The following BCHE variants were observed in gnomAD, a reference collection of about 807,000 sequenced individuals.
The protein encoded by BCHE is cholinesterase.
In BCHE, 48 loss-of-function variants were observed where a neutral mutation model predicts 51.3. The ratio of observed to expected loss-of-function variants is 0.94; its 90% CI spans 0.74 to 1.19. BCHE has a LOEUF of 1.19. BCHE is among the 50% of genes most tolerant of loss of function. The probability of loss-of-function intolerance (pLI) is 0.00; values close to 1 mark genes in which losing one functional copy is unlikely to be tolerated. For synonymous variants in BCHE, 251 were observed against 238.0 expected (o/e 1.05, Z -0.50); for missense variants, 847 against 708.2 (o/e 1.20, Z -2.23).
intron 2 of BCHE, among the ~76,000 whole-genome samples, chr3:165,797,234 T>TCCTTCCTTCCTTCCTCCCTCCCTCCC (rs1713431586): frequency 3.4e-4 from 1 of 2,940 alleles, no homozygotes; most frequent in Non-Finnish European, 6.1e-4. Flanking sequence ...CCTTCTTTCT[T>TCCTTCCTTCCTTCCTCCCTCCCTCCC]CCCTCCCTTC....
At chr3:165,793,972 G>T (rs766819657) in intron 2 of BCHE, among the ~76,000 whole-genome samples, 1 of 151,848 alleles carries the variant, frequency 6.6e-6, no homozygotes, top group Non-Finnish European at 1.5e-5. Context: ...GCTTGAACCC[G>T]GGAGGCAGAG....
chr3:165,819,434 AAAAT>A (rs569097367), intron 2 of BCHE, among the ~76,000 whole-genome samples: 91 of 152,180 alleles, frequency 6.0e-4, no homozygotes, highest in African/African-American at 2.0e-3. Context: ...AAAAGTAATT[AAAAT>A]AAATAGTATT....
chr3:165,808,909 A>T (rs1342391601), intron 2 of BCHE, among the ~76,000 whole-genome samples: 2 of 152,230 alleles, frequency 1.3e-5, no homozygotes, highest in Non-Finnish European at 2.9e-5. Context: ...TACTGCAGAA[A>T]AATGCTAAAT....
intron 2 of BCHE, among the ~76,000 whole-genome samples, chr3:165,820,356 ATT>A (rs748783811): frequency 4.0e-5 from 6 of 151,860 alleles, no homozygotes; most frequent in Non-Finnish European, 5.9e-5. Context: ...ATGGGTATCC[ATT>A]TTTTTTAAAC....
At chr3:165,778,703 G>A in intron 3 of BCHE, 1 of 453,768 alleles carries the variant, frequency 2.2e-6, no homozygotes, top group Non-Finnish European at 4.4e-6. Flanking sequence ...CTAGCTGCTA[G>A]TGCAGTTCCT....
chr3:165,832,420 G>A (rs1715023454), intron 1 of BCHE, among the ~76,000 whole-genome samples: 1 of 151,894 alleles, frequency 6.6e-6, no homozygotes, highest in African/African-American at 2.4e-5. Context: ...AGCCTCCCAA[G>A]TAGCTGGGAT....
chr3:165,782,658 G>T (rs535987347), intron 3 of BCHE, among the ~76,000 whole-genome samples: 225 of 152,206 alleles, frequency 1.5e-3, no homozygotes, highest in Non-Finnish European at 2.3e-3. Context: ...CATTCAGACT[G>T]CCATAACAAA....
chr3:165,796,384 C>G (rs1713377210), intron 2 of BCHE, among the ~76,000 whole-genome samples: 1 of 152,058 alleles, frequency 6.6e-6, no homozygotes, highest in Non-Finnish European at 1.5e-5. Flanking sequence ...TAAGGTGAGA[C>G]TTCTTGAATG....
At chr3:165,811,245 C>G (rs1714081357) in intron 2 of BCHE, among the ~76,000 whole-genome samples, 1 of 152,038 alleles carries the variant, frequency 6.6e-6, no homozygotes, top group Admixed American at 6.6e-5. Flanking sequence ...GGCAGTTAGA[C>G]TCTTGACAGA....
At chr3:165,784,934 C>T (rs1712886597) in intron 3 of BCHE, among the ~76,000 whole-genome samples, 1 of 151,650 alleles carries the variant, frequency 6.6e-6, no homozygotes, top group African/African-American at 2.4e-5. Context: ...GTTATTTACA[C>T]CCGGAGGACA....
chr3:165,775,647 A>G (rs1712441939), intron 3 of BCHE, among the ~76,000 whole-genome samples: 1 of 151,766 alleles, frequency 6.6e-6, no homozygotes, highest in Non-Finnish European at 1.5e-5. Flanking sequence ...GAATAATACC[A>G]AAATCACTGA....
intron 2 of BCHE, among the ~76,000 whole-genome samples, chr3:165,807,815 G>C (rs1713925108): frequency 6.6e-6 from 1 of 151,962 alleles, no homozygotes. Flanking sequence ...CCACCGAACT[G>C]ATCCTCCCAT....
At chr3:165,778,760 T>A (rs772571616) in intron 3 of BCHE, 1 of 422,488 alleles carries the variant, frequency 2.4e-6, no homozygotes, top group South Asian at 1.6e-5. Flanking sequence ...ATCAAATTAG[T>A]TGACAAAAAA....
chr3:165,831,388 A>G (rs535548468), intron 1 of BCHE, among the ~76,000 whole-genome samples: 1 of 152,292 alleles, frequency 6.6e-6, no homozygotes, highest in Non-Finnish European at 1.5e-5. Flanking sequence ...AAAGCAGTAA[A>G]CAGTAGTCTA....
At chr3:165,835,196 CTT>C (rs10653588) in intron 1 of BCHE, among the ~76,000 whole-genome samples, 4 of 151,196 alleles carry the variant, frequency 2.6e-5, no homozygotes, top group Non-Finnish European at 4.4e-5. Flanking sequence ...GGTGACAAAT[CTT>C]TTTTTGTATT....
In BCHE at chr3:165,830,799, T is replaced by C; in HGVS notation, c.235A>G (p.Lys79Glu). The stretch of plus-strand genomic sequence containing the variant: ...GTGGCATTCCAAATATCAGACCACT[T>C]GGTCAGAGACTGTGGCTTTTTGAAT... ...LRFKKPQSLT[K>E]WSDIWNATKY... The change falls in exon 2 of 4, where the codon AAG becomes GAG. Residue 79 changes from lysine (K) to glutamate (E), a missense_variant. Coordinates refer to ENST00000264381, the MANE Select transcript of BCHE (RefSeq NM_000055.4). 3.1e-6 allele frequency: 5 copies of C among 1,613,808 alleles called. No homozygotes were observed. Among genetic ancestry groups the C allele is most frequent in the South Asian group, 2.2e-5 (2 of 91,072 alleles).
chr3:165,782,664 A>G (rs1712754288), intron 3 of BCHE, among the ~76,000 whole-genome samples: 1 of 152,100 alleles, frequency 6.6e-6, no homozygotes, highest in Admixed American at 6.6e-5. Flanking sequence ...GACTGCCATA[A>G]CAAAACATCA....
intron 3 of BCHE, among the ~76,000 whole-genome samples, chr3:165,784,886 T>C (rs1712883542): frequency 6.6e-6 from 1 of 151,714 alleles, no homozygotes; most frequent in Non-Finnish European, 1.5e-5. Flanking sequence ...TGATAGTATC[T>C]CTTTGGGTCT....
rs1222434673 is a variant in BCHE at position 165,773,411 on chromosome 3, T to C, written c.1780A>G (p.Ser594Gly). The C allele has an allele frequency of 1.9e-6, 3 of 1,610,888 alleles. No individual in the cohort carries two copies. The highest frequency in any genetic ancestry group is 2.5e-6 in the Non-Finnish European group (3 of 1,177,734). The change falls in exon 4 of 4, where the codon AGC (serine) becomes GGC (glycine). Residue 594 changes from serine to glycine, a missense_variant. Coordinates refer to ENST00000264381, the MANE Select transcript of BCHE (RefSeq NM_000055.4). ...DWKNQFNDYT[S>G]KKESCVGL Reference sequence around the variant, plus strand: ...AGACCCACACAACTTTCTTTCTTGCTAGTGTAATCGTTAAATTGATTTTTC... The same window carrying C: ...AGACCCACACAACTTTCTTTCTTGCCAGTGTAATCGTTAAATTGATTTTTC...
Sources: gnomAD v4.1 joint callset for allele counts (sites outside exome capture counted in the v4.1 genomes callset) on GRCh38, gnomAD v4.1.1 for gene constraint, MANE v1.5 for transcripts, NCBI Gene and HGNC (gene_info 2026-07-23, HGNC 2026-07-21) for gene names.